ZNF415: variants seen among roughly 807,000 people sequenced by gnomAD.
ZNF415 encodes zinc finger protein 415.
A neutral mutation model predicts 7.3 loss-of-function variants in ZNF415; 5 were observed. The ratio of observed to expected loss-of-function variants is 0.69; its 90% CI spans 0.36 to 1.44. The LOEUF (loss-of-function observed/expected upper bound fraction) is 1.44, where lower values mean the gene tolerates loss of function less well. Ranked by LOEUF, ZNF415 falls within the 40% of genes most tolerant of loss-of-function variation. ZNF415 has a pLI of 0.04. For missense variants in ZNF415, 628 were observed against 664.8 expected, an observed-to-expected ratio of 0.94 and a Z score of 0.61; for synonymous variants, 207 against 226.3, an observed-to-expected ratio of 0.91 and a Z score of 0.77.
chr19:53,122,818 C>T, intron 1 of ZNF415, 75 bp from the exon 2 acceptor site: 3 of 1,184,984 alleles, frequency 2.5e-6, no homozygotes, highest in Non-Finnish European at 3.7e-6. Flanking sequence ...CACACACATA[C>T]ACAGGGAGGA....
rs571224826 is a variant in ZNF415 at position 53,108,648 on chromosome 19, T to C, written c.1397A>G (p.Lys466Arg). 1 of 1,614,216 alleles carries C rather than the reference T, an allele frequency of 6.2e-7. No individual in the cohort carries two copies. The change falls in exon 4 of 4, where the codon AAG becomes AGG. Residue 466 changes from lysine to arginine, a missense_variant. Transcript: ENST00000243643. ...GCCACATTGATTACATTTGTAAGGC[T>C]TCTCTCCAGTATGGATGACCTGATG... ...TTHQVIHTGEKPYKCNQCGKG... is the reference protein window; with the variant it reads ...TTHQVIHTGERPYKCNQCGKG...
intron 2 of ZNF415, among the ~76,000 whole-genome samples, chr19:53,121,372 G>GCA: frequency 6.8e-6 from 1 of 146,646 alleles, no homozygotes; most frequent in African/African-American, 2.5e-5. Context: ...GCGACAGACT[G>GCA]AGACTCCGTC....
chr19:53,109,725 CA>C lies in ZNF415; in HGVS notation c.319del (p.Cys107AlafsTer4). 2 of 1,613,900 alleles carry C rather than the reference CA, an allele frequency of 1.2e-6. No individual in the cohort carries two copies. Among genetic ancestry groups the C allele is most frequent in the Non-Finnish European group, 1.7e-6 (2 of 1,179,950 alleles). The part of the protein sequence containing the change: ...DCQWRDDERN[C>X]NKVTTAPKEN... Reference sequence around the variant, plus strand: ...TTTTGGGGCCGTAGTCACTTTGTTGCAATTTCTTTCATCATCTCTCCACTGA... The same window carrying C: ...TTTTGGGGCCGTAGTCACTTTGTTGCATTTCTTTCATCATCTCTCCACTGA... On this transcript the variant is annotated frameshift_variant, in exon 4 of 4. Transcript: ENST00000243643. LOFTEE classifies it low-confidence loss of function (END_TRUNC).
In ZNF415 at chr19:53,109,233, G is replaced by C; in HGVS notation, c.812C>G (p.Pro271Arg). The C allele has an allele frequency of 6.2e-7, 1 of 1,614,134 alleles. No homozygotes were observed. Among genetic ancestry groups the C allele is most frequent in the African/African-American group, 1.3e-5 (1 of 75,038 alleles). ...RHWRVHTGEK[P>R]YKCNECDRSF... ...TCTGTCACATTCATTACATTTGTAT[G>C]GTTTCTCTCCAGTATGAACTCTCCA... Residue 271 changes from proline (P) to arginine (R), a missense_variant, in exon 4 of 4, where the codon CCA becomes CGA. Physicochemically the swap from Pro to Arg is moderately radical, Grantham distance 103. Transcript: ENST00000243643.
chr19:53,122,782 C>A, intron 1 of ZNF415, 39 bp from the exon 2 acceptor site: 3 of 1,471,626 alleles, frequency 2.0e-6, no homozygotes, highest in Non-Finnish European at 2.8e-6. Flanking sequence ...TGCTTAGAAA[C>A]AACACACCCC....
At chr19:53,118,070 G>T (rs2087346426) in intron 2 of ZNF415, among the ~76,000 whole-genome samples, 2 of 152,094 alleles carry the variant, frequency 1.3e-5, no homozygotes, top group Admixed American at 1.3e-4. Flanking sequence ...AGAAACTCAT[G>T]TCAATGTAAA....
chr19:53,109,411 T>G lies in ZNF415; in HGVS notation c.634A>C (p.Arg212=). 6.2e-7 allele frequency: 1 copy of G among 1,614,148 alleles called. No homozygotes were observed. The highest frequency in any genetic ancestry group is 8.5e-7 in the Non-Finnish European group (1 of 1,179,980). ...TCAATATATCTGTAAGGTTTTTCCC[T>G]AATGCATGATTTCTGTTCTTGTGTG... ...LLTQEQKSCI[R]EKPYRYIECD... Residue 212 remains arginine, a synonymous_variant, in exon 4 of 4, where the codon AGG becomes CGG. Coordinates refer to ENST00000243643, the MANE Select transcript of ZNF415 (RefSeq NM_018355.4).
chr19:53,108,977 G>C lies in ZNF415; in HGVS notation c.1068C>G (p.Tyr356Ter). The change falls in exon 4 of 4, where the codon TAC becomes TAG. Residue 356 changes from tyrosine (Y) to a stop codon, truncating the protein, a stop_gained. Coordinates refer to ENST00000243643, the MANE Select transcript of ZNF415 (RefSeq NM_018355.4). LOFTEE classifies it low-confidence loss of function (END_TRUNC). ...ACACCTTGCCACATTCATTGCATTT[G>C]TAAGGTTTCTTGCCACTATGAATTA... ...HQVIHSGKKP[Y>*]KCNECGKVFS... The C allele has an allele frequency of 6.2e-7, 1 of 1,614,128 alleles. No individual in the cohort carries two copies. The highest frequency in any genetic ancestry group is 8.5e-7 in the Non-Finnish European group (1 of 1,180,036).
chr19:53,128,882 C>T (rs985315063), intron 1 of ZNF415, among the ~76,000 whole-genome samples: 1 of 115,322 alleles, frequency 8.7e-6, no homozygotes, highest in Non-Finnish European at 2.0e-5. Context: ...GCAGGTGCTG[C>T]AGTCATCCCG....
rs1377562135 is a variant in ZNF415 at position 53,116,335 on chromosome 19, G to C, written c.114C>G (p.Asn38Lys). ...RTLYRDVMLENYRNLVSLDLS... is the reference protein window; with the variant it reads ...RTLYRDVMLEKYRNLVSLDLS... Reference sequence around the variant, plus strand: ...CACCCAGGGAGACCAGGTTCCTGTAGTTCTCCAACATCACATCCCTGTATA... The same window carrying C: ...CACCCAGGGAGACCAGGTTCCTGTACTTCTCCAACATCACATCCCTGTATA... Residue 38 changes from asparagine to lysine, a missense_variant, in exon 3 of 4, where the codon AAC (asparagine) becomes AAG (lysine). Asn to Lys is a moderately conservative substitution (Grantham distance 94). Transcript: ENST00000243643. 16 of 1,611,220 alleles carry C rather than the reference G, an allele frequency of 9.9e-6. No homozygotes were observed. Among genetic ancestry groups the C allele is most frequent in the Non-Finnish European group, 1.3e-5 (15 of 1,179,320 alleles).
chr19:53,130,739 C>T (rs757360713), intron 1 of ZNF415, among the ~76,000 whole-genome samples: 2 of 152,054 alleles, frequency 1.3e-5, no homozygotes, highest in Non-Finnish European at 2.9e-5. Context: ...CTCCGCCTCC[C>T]GGGTTTACAC....
At chr19:53,131,970 A>C (rs2090133866) in intron 1 of ZNF415, among the ~76,000 whole-genome samples, 1 of 151,210 alleles carries the variant, frequency 6.6e-6, no homozygotes, top group African/African-American at 2.4e-5. Context: ...CCTGGCTCCA[A>C]ATCCCTTCTG....
rs538136869 is a variant in ZNF415, at chr19:53,111,278, C to T, written c.137-1370G>A. On this transcript the variant is annotated intron_variant, in intron 3 of 3. Coordinates refer to ENST00000243643, the MANE Select transcript of ZNF415 (RefSeq NM_018355.4). ...CACCTGGCTCCTTAATTTTGACTTC[C>T]CAGCTTCCAGGTCTGGGAGATATAA... 4.0e-5 allele frequency among the ~76,000 whole-genome samples: 6 copies of T among 151,868 alleles called. No homozygotes were observed. The East Asian group carries it at 1.2e-3, about 29-fold the overall frequency.
intron 1 of ZNF415, 86 bp from the exon 2 acceptor site, chr19:53,122,829 G>A (rs902151564): frequency 9.3e-7 from 1 of 1,070,428 alleles, no homozygotes; most frequent in South Asian, 1.5e-5. Flanking sequence ...ACAGGGAGGA[G>A]CTCGCCCTGT....
In ZNF415 at chr19:53,116,394, C is replaced by T. The variant is rs777278150; in HGVS notation, c.55G>A (p.Glu19Lys). 9 of 1,613,910 alleles carry T rather than the reference C, an allele frequency of 5.6e-6. No individual in the cohort carries two copies. The highest frequency in any genetic ancestry group is 3.3e-5 in the Admixed American group (2 of 59,986). Reference protein sequence around the residue: ...RDVAIEFSQDEWKCLNSTQRT... With the variant: ...RDVAIEFSQDKWKCLNSTQRT... ...TGTGTAGAGTTCAGGCATTTCCACT[C>T]ATCTTGAGAGAATTCGATGGCCACG... Residue 19 changes from glutamate (E) to lysine (K), a missense_variant, in exon 3 of 4, where the codon GAG becomes AAG. Transcript: ENST00000243643.
At chr19:53,116,541 G>GT in intron 2 of ZNF415, 108 bp from the exon 3 acceptor site, 1 of 1,429,344 alleles carries the variant, frequency 7.0e-7, no homozygotes, top group Non-Finnish European at 9.7e-7. Flanking sequence ...TAATTGAAGT[G>GT]TGTGTTCTGA....
In ZNF415 at chr19:53,109,792, A is replaced by G. The variant is rs1260789218; in HGVS notation, c.253T>C (p.Cys85Arg). Reference protein sequence around the residue: ...QHEKHDIEEFCFREIKKKIHD... With the variant: ...QHEKHDIEEFRFREIKKKIHD... The stretch of plus-strand genomic sequence containing the variant: ...ATTTTTTTCTTGATTTCCCTGAAGC[A>G]AAACTCTTCAATGTCATGTTTTTCA... Residue 85 changes from cysteine to arginine, a missense_variant, in exon 4 of 4, where the codon TGC becomes CGC. Transcript: ENST00000243643. The G allele has an allele frequency of 6.2e-7, 1 of 1,613,984 alleles. No individual in the cohort carries two copies. The highest frequency in any genetic ancestry group is 8.5e-7 in the Non-Finnish European group (1 of 1,179,998).
chr19:53,108,126 C>A lies in ZNF415; in HGVS notation c.*251G>T. On this transcript the variant is annotated 3_prime_UTR_variant, in exon 4 of 4. Transcript: ENST00000243643. ...AGTGAGTTGTGAGACCTAAATGAAG[C>A]CTCTGCCACACAGTTAGGTGTATAT... 2.2e-6 allele frequency: 1 copy of A among 462,172 alleles called. No individual in the cohort carries two copies. Among genetic ancestry groups the A allele is most frequent in the Non-Finnish European group, 3.8e-6 (1 of 264,454 alleles). The allele number at this position is 462,172 out of a possible 1,614,324, so 28.6% of individuals were successfully genotyped here.
Position 53,108,815 on chromosome 19 carries a change from T to G in ZNF415, c.1230A>C (p.Lys410Asn). Residue 410 changes from lysine (K) to asparagine (N), a missense_variant, in exon 4 of 4, where the codon AAA becomes AAC. Transcript: ENST00000243643. ...ARHWRIHTGE[K>N]PYKCNECGKV... The stretch of plus-strand genomic sequence containing the variant: ...TACCACATTCATTGCATTTGTAAGG[T>G]TTCTCTCCAGTATGAATTCTCCAAT... The G allele has an allele frequency of 5.0e-6, 8 of 1,614,076 alleles. No homozygotes were observed. Among genetic ancestry groups the G allele is most frequent in the Non-Finnish European group, 5.1e-6 (6 of 1,179,960 alleles).
Sources: allele counts gnomAD v4.1 joint callset (sites outside exome capture counted in the v4.1 genomes callset), GRCh38; gene constraint gnomAD v4.1.1; transcripts MANE v1.5; gene names NCBI Gene and HGNC (gene_info 2026-07-23, HGNC 2026-07-21).